Variants in ZNF644 observed in about 807,000 individuals in gnomAD.
ZNF644 encodes the protein zinc finger motif enhancer binding protein 2.
A neutral mutation model predicts 108.0 loss-of-function variants in ZNF644; 20 were observed. That is an observed-to-expected ratio of 0.19 (90% CI 0.13 to 0.27). ZNF644 has a LOEUF of 0.27. Ranked by LOEUF, ZNF644 falls within the 10% of genes least tolerant of loss-of-function variation. ZNF644 has a pLI of 1.00. For synonymous variants in ZNF644, 542 were observed against 539.1 expected (o/e 1.01, Z -0.08); for missense variants, 1,338 against 1,548.9 (o/e 0.86, Z 2.29).
At chr1:90,971,861 G>A (rs1030551587) in intron 2 of ZNF644, among the ~76,000 whole-genome samples, 5 of 152,058 alleles carry the variant, frequency 3.3e-5, no homozygotes, top group African/African-American at 1.2e-4. Flanking sequence ...ATAGAAACCA[G>A]GCCCTTTTTT....
At chr1:91,012,062 T>G (rs1040849559) in intron 1 of ZNF644, among the ~76,000 whole-genome samples, 2 of 152,036 alleles carry the variant, frequency 1.3e-5, no homozygotes, top group Admixed American at 6.5e-5. Context: ...CTCTAAAGGA[T>G]TACTATTAAT....
At chr1:90,992,561 T>G (rs1275824326) in intron 1 of ZNF644, among the ~76,000 whole-genome samples, 1 of 152,192 alleles carries the variant, frequency 6.6e-6, no homozygotes, top group Non-Finnish European at 1.5e-5. Flanking sequence ...CTGGACAGAT[T>G]GATATACAAA....
At chr1:91,003,088 G>A (rs1322146363) in intron 1 of ZNF644, among the ~76,000 whole-genome samples, 1 of 152,246 alleles carries the variant, frequency 6.6e-6, no homozygotes, top group Non-Finnish European at 1.5e-5. Flanking sequence ...TGGTGGGAGT[G>A]TAAACTACTT....
At chr1:91,012,992 C>T (rs1193043726) in intron 1 of ZNF644, among the ~76,000 whole-genome samples, 1 of 152,124 alleles carries the variant, frequency 6.6e-6, no homozygotes, top group African/African-American at 2.4e-5. Context: ...TGAAGATCGA[C>T]TAGGCTTTGT....
chr1:91,003,728 T>C (rs1476976442), intron 1 of ZNF644, among the ~76,000 whole-genome samples: 1 of 151,964 alleles, frequency 6.6e-6, no homozygotes, highest in Non-Finnish European at 1.5e-5. Context: ...GTATGGTTCA[T>C]ACACATGGAG....
chr1:90,939,402 A>T lies in ZNF644; in HGVS notation c.1952T>A (p.Phe651Tyr), dbSNP rs1651708622. Residue 651 changes from phenylalanine (F) to tyrosine (Y), a missense_variant, in exon 3 of 6, where the codon TTT becomes TAT. Physicochemically the swap from Phe to Tyr is conservative, Grantham distance 22. This residue lies in a region of ZNF644 where 462 missense variants were observed against 472.6 expected (regional missense o/e 0.98). Transcript: ENST00000337393. ...KTLTKQQSTT[F>Y]PKNSALKQDV... ...TTGTTTTAAAGCAGAGTTCTTTGGAAATGTGGTTGACTGTTGTTTAGTTAA... is the reference window on the plus strand; with the variant it reads ...TTGTTTTAAAGCAGAGTTCTTTGGATATGTGGTTGACTGTTGTTTAGTTAA... 1 of 1,613,872 alleles carries T rather than the reference A, an allele frequency of 6.2e-7. No homozygotes were observed.
At chr1:90,928,903 C>A (rs1292021602) in intron 4 of ZNF644, among the ~76,000 whole-genome samples, 1 of 152,034 alleles carries the variant, frequency 6.6e-6, no homozygotes, top group East Asian at 1.9e-4. Flanking sequence ...ACCATATAAA[C>A]CCTTCTGTAA....
At chr1:90,934,999 C>A (rs1651166232) in intron 4 of ZNF644, among the ~76,000 whole-genome samples, 1 of 152,168 alleles carries the variant, frequency 6.6e-6, no homozygotes. Context: ...AACTCTTGAG[C>A]TCAAGTGATC....
chr1:90,939,583 A>G lies in ZNF644; in HGVS notation c.1771T>C (p.Cys591Arg). The G allele has an allele frequency of 6.2e-7, 1 of 1,614,072 alleles. No individual in the cohort carries two copies. ...KKSATYICKM[C>R]PFTTSAKSVL... is the part of the protein sequence containing the mutation. The stretch of plus-strand genomic sequence containing the variant: ...CTTTTGGCTGAAGTAGTAAAAGGAC[A>G]CATCTTACATATGTAGGTAGCTGAT... Residue 591 changes from cysteine (C) to arginine (R), a missense_variant, in exon 3 of 6, where the codon TGT (cysteine) becomes CGT (arginine). This residue lies in a region of ZNF644 where 462 missense variants were observed against 472.6 expected (regional missense o/e 0.98). Transcript: ENST00000337393.
intron 2 of ZNF644, among the ~76,000 whole-genome samples, chr1:90,976,580 A>G (rs1406904865): frequency 6.6e-6 from 1 of 152,224 alleles, no homozygotes; most frequent in African/African-American, 2.4e-5. Context: ...TGTTAGGTTT[A>G]AAAACATTTC....
chr1:91,007,707 C>T (rs1200271342), intron 1 of ZNF644, among the ~76,000 whole-genome samples: 2 of 152,098 alleles, frequency 1.3e-5, no homozygotes, highest in Non-Finnish European at 2.9e-5. Context: ...TTTCTAGAAG[C>T]TCTTGTTTTC....
At chr1:90,994,277 T>C (rs1031196577) in intron 1 of ZNF644, among the ~76,000 whole-genome samples, 4 of 152,216 alleles carry the variant, frequency 2.6e-5, no homozygotes, top group African/African-American at 9.6e-5. Flanking sequence ...CATCATCCTA[T>C]AGATACCATA....
At position 90,915,846 on chromosome 1, in the gene ZNF644, C is replaced by T. The variant is rs1025293665; in HGVS notation, c.*952G>A. 3.9e-5 allele frequency: 6 copies of T among 152,408 alleles called. No homozygotes were observed. The highest frequency in any genetic ancestry group is 1.3e-4 in the Admixed American group (2 of 15,266). The allele number at this position is 152,408 out of a possible 1,614,324, so 9.4% of individuals were successfully genotyped here. ...ATTTGGAAGATAATATAAATGAGAA[C>T]GTCTATTCTAAACTGTGTAGTGAGC... On this transcript the variant is annotated 3_prime_UTR_variant, in exon 6 of 6. Transcript: ENST00000337393.
chr1:91,012,102 T>C (rs1415061444), intron 1 of ZNF644, among the ~76,000 whole-genome samples: 1 of 152,032 alleles, frequency 6.6e-6, no homozygotes. Flanking sequence ...TCTGATTTTG[T>C]CACTGGGGGG....
intron 1 of ZNF644, among the ~76,000 whole-genome samples, chr1:91,007,102 T>C (rs766594287): frequency 2.0e-5 from 3 of 152,078 alleles, no homozygotes; most frequent in Non-Finnish European, 2.9e-5. Flanking sequence ...AATTTCACCA[T>C]GATGTATCTT....
chr1:90,975,200 C>T (rs1284577889), intron 2 of ZNF644, among the ~76,000 whole-genome samples: 1 of 152,128 alleles, frequency 6.6e-6, no homozygotes, highest in Non-Finnish European at 1.5e-5. Flanking sequence ...AGAAATAAAA[C>T]AGACATGGCC....
intron 2 of ZNF644, among the ~76,000 whole-genome samples, chr1:90,962,323 GA>G (rs1654414928): frequency 6.6e-6 from 1 of 151,706 alleles, no homozygotes; most frequent in East Asian, 1.9e-4. Flanking sequence ...ACCAATGGGG[GA>G]AAAAAACAGA....
chr1:90,942,503 A>C (rs1652097961), intron 2 of ZNF644, among the ~76,000 whole-genome samples: 1 of 152,176 alleles, frequency 6.6e-6, no homozygotes, highest in South Asian at 2.1e-4. Context: ...TCACTATCAT[A>C]TCTCTAGAAC....
intron 4 of ZNF644, among the ~76,000 whole-genome samples, chr1:90,924,832 C>G (rs927083544): frequency 1.3e-5 from 2 of 152,012 alleles, no homozygotes; most frequent in Non-Finnish European, 2.9e-5. Flanking sequence ...ATTCTTCAAA[C>G]CCTAGGCATA....
Sources: allele counts gnomAD v4.1 joint callset (sites outside exome capture counted in the v4.1 genomes callset), GRCh38; gene constraint gnomAD v4.1.1; regional missense constraint gnomAD v4.1.1; transcripts MANE v1.5; gene names NCBI Gene and HGNC (gene_info 2026-07-23, HGNC 2026-07-21).